USP3: variants seen among roughly 807,000 people sequenced by gnomAD.
The protein encoded by USP3 is ubiquitin carboxyl-terminal hydrolase 3.
USP3 carries 20 observed loss-of-function variants against 72.3 expected under a neutral mutation model. The observed-to-expected ratio is 0.28, with a 90% CI of 0.19 to 0.40. USP3 has a LOEUF of 0.40. Among genes scored for constraint, USP3 ranks in the 10% least tolerant of loss-of-function variants. The pLI is 1.00. For missense variants in USP3, 479 were observed against 633.9 expected, an observed-to-expected ratio of 0.76 and a Z score of 2.62; for synonymous variants, 222 against 225.3, an observed-to-expected ratio of 0.99 and a Z score of 0.13.
intron 3 of USP3, among the ~76,000 whole-genome samples, chr15:63,545,093 TATAA>T (rs1475760347): frequency 9.2e-5 from 14 of 152,202 alleles, no homozygotes; most frequent in Non-Finnish European, 1.9e-4. Flanking sequence ...AAAAGGCATA[TATAA>T]AGTATAAGTG....
At chr15:63,559,594 G>A (rs1297350256) in intron 6 of USP3, among the ~76,000 whole-genome samples, 1 of 152,146 alleles carries the variant, frequency 6.6e-6, no homozygotes, top group Non-Finnish European at 1.5e-5. Flanking sequence ...AGGGAGAATT[G>A]GGGATTTTTT....
In USP3 at chr15:63,547,866, TAGAGAGAGAGAGAGAGAGAGAG is replaced by T. The variant is rs112905081; in HGVS notation, c.285-5840_285-5819del. On this transcript the variant is annotated intron_variant, in intron 3 of 14. Transcript: ENST00000380324. The stretch of plus-strand genomic sequence containing the variant: ...GGAGGGAGAGAGAGAGAGAGAGGCA[TAGAGAGAGAGAGAGAGAGAGAG>T]AGAGAGAGGCATAGAGAGAGGCATA... 1.3e-3 allele frequency among the ~76,000 whole-genome samples: 28 copies of T among 20,844 alleles called. 1 individual carries two copies. Among genetic ancestry groups the T allele is most frequent in the South Asian group, 5.4e-3 (3 of 558 alleles). 13.7% of individuals were successfully genotyped at this position (20,844 alleles called of 152,430 possible).
chr15:63,518,468 T>G, intron 1 of USP3, among the ~76,000 whole-genome samples: 1 of 152,236 alleles, frequency 6.6e-6, no homozygotes, highest in East Asian at 1.9e-4. Context: ...ATTGGTAATT[T>G]AACCTTCTCC....
intron 11 of USP3, among the ~76,000 whole-genome samples, chr15:63,579,685 A>G (rs2152681114): frequency 6.6e-6 from 1 of 152,340 alleles, no homozygotes; most frequent in Middle Eastern, 3.4e-3. Context: ...GAAACGTTTC[A>G]TAAATTTAAT....
intron 11 of USP3, among the ~76,000 whole-genome samples, chr15:63,575,550 A>G (rs1333122794): frequency 6.6e-6 from 1 of 152,220 alleles, no homozygotes; most frequent in Non-Finnish European, 1.5e-5. Flanking sequence ...GTAAGGAACC[A>G]GAGCAACTCT....
Position 63,592,070 on chromosome 15 carries a change from C to T in USP3, c.*1244C>T, listed in dbSNP as rs934239572. On this transcript the variant is annotated 3_prime_UTR_variant, in exon 15 of 15. Coordinates refer to ENST00000380324, the MANE Select transcript of USP3 (RefSeq NM_006537.4). ...GGGATTACAGGTGCCCACCACTACA[C>T]CTGGCTAATTTTTTTTTTGTATTTT... The T allele has an allele frequency of 6.6e-6, 1 of 152,070 alleles. No individual in the cohort carries two copies. Among genetic ancestry groups the T allele is most frequent in the Admixed American group, 6.5e-5 (1 of 15,268 alleles). The allele number at this position is 152,070 out of a possible 1,614,324, so 9.4% of individuals were successfully genotyped here.
At chr15:63,520,628 A>G (rs930850983) in intron 1 of USP3, among the ~76,000 whole-genome samples, 1 of 134,304 alleles carries the variant, frequency 7.4e-6, no homozygotes, top group African/African-American at 2.9e-5. Flanking sequence ...CAATGATGCA[A>G]TCTCGGCTCA....
At position 63,570,115 on chromosome 15, in the gene USP3, C is replaced by A. The variant is rs1237004991; in HGVS notation, c.762-318C>A. 2.6e-5 allele frequency among the ~76,000 whole-genome samples: 4 copies of A among 152,164 alleles called. No homozygotes were observed. Among genetic ancestry groups the A allele is most frequent in the Non-Finnish European group, 5.9e-5 (4 of 68,022 alleles). Reference sequence around the variant, plus strand: ...AAGGTGTAGTCCCATCTCTGTTACTCTCTTGCTGTAGGACGTTGGGGAAGT... The same window carrying A: ...AAGGTGTAGTCCCATCTCTGTTACTATCTTGCTGTAGGACGTTGGGGAAGT... On this transcript the variant is annotated intron_variant, in intron 8 of 14. Transcript: ENST00000380324. The surrounding 1 kb of genome is among the most constrained non-coding windows in gnomAD (Gnocchi z 4.4).
intron 3 of USP3, among the ~76,000 whole-genome samples, chr15:63,549,476 G>A (rs8023466): frequency 0.18 from 27,776 of 152,110 alleles, 3,352 homozygotes; most frequent in African/African-American, 0.34. Context: ...GTCAAATTCA[G>A]AGGGGCATCA....
intron 1 of USP3, among the ~76,000 whole-genome samples, chr15:63,509,079 G>A (rs369790655): frequency 6.6e-6 from 1 of 152,140 alleles, no homozygotes; most frequent in East Asian, 1.9e-4. Flanking sequence ...GACTGATCAG[G>A]TTGTGATAAA....
At chr15:63,514,113 AC>A in intron 1 of USP3, among the ~76,000 whole-genome samples, 1 of 152,194 alleles carries the variant, frequency 6.6e-6, no homozygotes, top group Non-Finnish European at 1.5e-5. Flanking sequence ...TAGCTGCCAG[AC>A]CTCAACATTC....
At chr15:63,571,588 T>G (rs2066779787) in intron 9 of USP3, among the ~76,000 whole-genome samples, 1 of 152,200 alleles carries the variant, frequency 6.6e-6, no homozygotes, top group Non-Finnish European at 1.5e-5. Flanking sequence ...AAAAATTCTG[T>G]TTTGTATTTT....
chr15:63,585,176 G>A (rs567880799), intron 11 of USP3, among the ~76,000 whole-genome samples: 118 of 152,216 alleles, frequency 7.8e-4, no homozygotes, highest in African/African-American at 2.6e-3. Flanking sequence ...CTATAACTTT[G>A]TTGTTCTTTT....
At chr15:63,571,896 C>T (rs1228159568) in intron 9 of USP3, among the ~76,000 whole-genome samples, 4 of 152,156 alleles carry the variant, frequency 2.6e-5, no homozygotes, top group Admixed American at 2.0e-4. Context: ...TTGGAAAAGC[C>T]ATTTCAGGAT....
chr15:63,565,652 C>A lies in USP3; in HGVS notation c.761+2644C>A, dbSNP rs925021723. 7.2e-4 allele frequency among the ~76,000 whole-genome samples: 110 copies of A among 152,080 alleles called. 1 individual carries two copies. The highest frequency in any genetic ancestry group is 1.9e-4 in the Non-Finnish European group (13 of 68,008). ...GACAAGTGTGTGTGTGTGTTTATGT[C>A]ATTTTTAATGTAATTGGTGATGTAT... On this transcript the variant is annotated intron_variant, in intron 8 of 14. Coordinates refer to ENST00000380324, the MANE Select transcript of USP3 (RefSeq NM_006537.4).
intron 1 of USP3, among the ~76,000 whole-genome samples, chr15:63,530,916 G>T (rs145430397): frequency 1.3e-5 from 2 of 152,270 alleles, no homozygotes; most frequent in South Asian, 2.1e-4. Flanking sequence ...CAGTTTGGTA[G>T]GTATTCTTCC....
At chr15:63,527,714 T>C (rs2066005248) in intron 1 of USP3, 1 of 152,260 alleles carries the variant, frequency 6.6e-6, no homozygotes, top group South Asian at 2.1e-4. Context: ...ATGGATTAAT[T>C]AGGCCTCTAT....
intron 7 of USP3, among the ~76,000 whole-genome samples, chr15:63,561,707 C>T (rs532457232): frequency 1.8e-4 from 27 of 152,224 alleles, no homozygotes; most frequent in Admixed American, 1.1e-3. Context: ...TGTTTAGCTT[C>T]GGAAGTGGGA....
At chr15:63,534,013 A>C in intron 2 of USP3, 1 of 336,454 alleles carries the variant, frequency 3.0e-6, no homozygotes, top group Non-Finnish European at 4.2e-6. Context: ...TGTGCCAATC[A>C]AAAGACCTGA....
Sources: gnomAD v4.1 joint callset for allele counts (sites outside exome capture counted in the v4.1 genomes callset) on GRCh38, gnomAD v4.1.1 for gene constraint, Gnocchi (gnomAD v3.1) non-coding constraint, MANE v1.5 for transcripts, NCBI Gene and HGNC (gene_info 2026-07-23, HGNC 2026-07-21) for gene names.